Variants in KCNH5 observed in about 807,000 individuals in gnomAD.
The protein encoded by KCNH5 is voltage-gated delayed rectifier potassium channel KCNH5.
KCNH5 carries 46 observed loss-of-function variants against 96.1 expected under a neutral mutation model. The observed-to-expected ratio is 0.48, with a 90% CI of 0.38 to 0.61. The LOEUF (loss-of-function observed/expected upper bound fraction) is 0.61, where lower values mean the gene tolerates loss of function less well. Among genes scored for constraint, KCNH5 ranks in the 20% least tolerant of loss-of-function variants. The pLI, the probability that KCNH5 is intolerant of heterozygous loss-of-function variation, is 0.00. For missense variants in KCNH5, 907 were observed against 1,225.8 expected (o/e 0.74, Z 3.88); for synonymous variants, 439 against 449.8 (o/e 0.98, Z 0.30).
intron 4 of KCNH5, among the ~76,000 whole-genome samples, chr14:62,988,571 T>C (rs964699720): frequency 1.3e-5 from 2 of 152,056 alleles, no homozygotes; most frequent in Admixed American, 1.3e-4. Context: ...CTGGCATCAA[T>C]TGATGGAGAG....
chr14:62,712,484 G>T, intron 10 of KCNH5: 1 of 607,708 alleles, frequency 1.6e-6, no homozygotes, highest in Non-Finnish European at 3.0e-6. Flanking sequence ...GGCATAAAGA[G>T]TTTAAGTGGT....
intron 1 of KCNH5, among the ~76,000 whole-genome samples, chr14:63,029,510 G>T (rs1260383508): frequency 6.6e-6 from 1 of 152,064 alleles, no homozygotes; most frequent in Non-Finnish European, 1.5e-5. Context: ...GAGGTATCTT[G>T]GTGTGTTTGT....
chr14:62,804,468 A>G (rs1048865771), intron 8 of KCNH5, among the ~76,000 whole-genome samples: 3 of 152,160 alleles, frequency 2.0e-5, no homozygotes, highest in African/African-American at 2.4e-5. Flanking sequence ...TAGAAGGATA[A>G]GACACTGTGT....
At chr14:62,955,068 T>C (rs139669120) in intron 6 of KCNH5, among the ~76,000 whole-genome samples, 89 of 151,680 alleles carry the variant, frequency 5.9e-4, no homozygotes, top group African/African-American at 2.0e-3. Context: ...GTTGAATATA[T>C]TCATCAGAGA....
chr14:63,002,000 T>G (rs544008400), intron 3 of KCNH5, among the ~76,000 whole-genome samples: 1 of 152,322 alleles, frequency 6.6e-6, no homozygotes, highest in East Asian at 1.9e-4. Context: ...ATATGATAGC[T>G]CTATGGCTTT....
At chr14:62,837,681 C>T (rs1190786861) in intron 8 of KCNH5, among the ~76,000 whole-genome samples, 1 of 152,120 alleles carries the variant, frequency 6.6e-6, no homozygotes, top group Non-Finnish European at 1.5e-5. Flanking sequence ...GGACAGCACT[C>T]AAGTGTATTG....
At chr14:62,966,887 G>T (rs1015718524) in intron 6 of KCNH5, among the ~76,000 whole-genome samples, 1 of 151,984 alleles carries the variant, frequency 6.6e-6, no homozygotes, top group African/African-American at 2.4e-5. Flanking sequence ...TCAAACTTTC[G>T]ATTCTTAATC....
At chr14:62,734,193 G>T (rs926075322) in intron 10 of KCNH5, among the ~76,000 whole-genome samples, 1 of 151,942 alleles carries the variant, frequency 6.6e-6, no homozygotes, top group South Asian at 2.1e-4. Context: ...TGCTTCCAGT[G>T]ATGATTCATC....
At chr14:62,805,263 G>A (rs148396463) in intron 8 of KCNH5, among the ~76,000 whole-genome samples, 1,677 of 152,170 alleles carry the variant, frequency 0.011, 28 homozygotes, top group African/African-American at 0.039. Flanking sequence ...AAATAGTCCA[G>A]TATTTGCAAT....
intron 7 of KCNH5, among the ~76,000 whole-genome samples, chr14:62,851,259 G>A (rs1887798461): frequency 1.3e-5 from 2 of 152,012 alleles, no homozygotes; most frequent in South Asian, 4.1e-4. Context: ...CATTTCCCAA[G>A]TGAGTCTTTA....
chr14:62,779,579 A>G, intron 10 of KCNH5, 149 bp downstream of exon 10: 1 of 569,876 alleles, frequency 1.8e-6, no homozygotes, highest in East Asian at 3.1e-5. Flanking sequence ...TAAACAAAAT[A>G]TAAATAAAGA....
intron 1 of KCNH5, among the ~76,000 whole-genome samples, chr14:63,044,656 C>T (rs115317078): frequency 4.5e-4 from 69 of 152,320 alleles, no homozygotes; most frequent in African/African-American, 1.6e-3. Flanking sequence ...AAAAGCCTTT[C>T]CAGAGATTTA....
intron 10 of KCNH5, among the ~76,000 whole-genome samples, chr14:62,728,225 C>CAAAA (rs5809166): frequency 6.9e-6 from 1 of 144,448 alleles, no homozygotes; most frequent in Non-Finnish European, 1.5e-5. Flanking sequence ...TATTAAACTA[C>CAAAA]AAAAAAAAAA....
rs1049379668 is a variant in KCNH5, at chr14:62,702,333, T to A, written c.*5175A>T. 1 of 152,052 alleles carries A rather than the reference T, an allele frequency of 6.6e-6. No homozygotes were observed. The highest frequency in any genetic ancestry group is 2.4e-5 in the African/African-American group (1 of 41,434). 9.4% of individuals were successfully genotyped at this position (152,052 alleles called of 1,614,324 possible). A position where few individuals can be genotyped will look rare whatever the true frequency, so the allele number is the denominator to read the frequency against. On this transcript the variant is annotated 3_prime_UTR_variant, in exon 11 of 11. Coordinates refer to ENST00000322893, the MANE Select transcript of KCNH5 (RefSeq NM_139318.5). ...AAACCAAACATTTACATTCACATTA[T>A]CGAGTGCAATTTTTAAGAATTATTT...
At chr14:62,948,118 G>A (rs1595696046) in intron 7 of KCNH5, among the ~76,000 whole-genome samples, 3 of 151,942 alleles carry the variant, frequency 2.0e-5, no homozygotes, top group South Asian at 2.1e-4. Context: ...GAGAATGATG[G>A]TTTCCAATTT....
intron 3 of KCNH5, among the ~76,000 whole-genome samples, chr14:63,004,165 T>C (rs1488376741): frequency 6.6e-6 from 1 of 152,172 alleles, no homozygotes; most frequent in African/African-American, 2.4e-5. Context: ...AGATGTGAAT[T>C]TTTCTACCTA....
intron 9 of KCNH5, among the ~76,000 whole-genome samples, chr14:62,788,049 A>G (rs1886355539): frequency 6.6e-6 from 1 of 152,202 alleles, no homozygotes; most frequent in South Asian, 2.1e-4. Flanking sequence ...TGGTAAGGCT[A>G]TAGCTGTCAT....
At chr14:62,946,267 A>T (rs1394604479) in intron 7 of KCNH5, among the ~76,000 whole-genome samples, 9 of 152,162 alleles carry the variant, frequency 5.9e-5, no homozygotes, top group African/African-American at 1.9e-4. Context: ...TCAGAAACAA[A>T]GTAAATAATT....
chr14:62,852,610 AG>A (rs1887829325), intron 7 of KCNH5, among the ~76,000 whole-genome samples: 1 of 150,742 alleles, frequency 6.6e-6, no homozygotes, highest in Non-Finnish European at 1.5e-5. Context: ...TTTTTTGGCC[AG>A]TTTTTCTTTT....
Sources: allele counts gnomAD v4.1 joint callset (sites outside exome capture counted in the v4.1 genomes callset), GRCh38; gene constraint gnomAD v4.1.1; transcripts MANE v1.5; gene names NCBI Gene and HGNC (gene_info 2026-07-23, HGNC 2026-07-21).